CACNA1B: variants seen among roughly 807,000 people sequenced by gnomAD.
The protein encoded by CACNA1B is calcium voltage-gated channel subunit alpha1 B.
CACNA1B carries 70 observed loss-of-function variants against 247.2 expected under a neutral mutation model. That is an observed-to-expected ratio of 0.28 (90% confidence interval 0.23 to 0.35). CACNA1B has a LOEUF of 0.35. Among genes scored for constraint, CACNA1B ranks in the 10% least tolerant of loss-of-function variants. The pLI is 1.00. For synonymous variants in CACNA1B, 1,231 were observed against 1,294.4 expected (o/e 0.95, Z 1.05); for missense variants, 2,367 against 3,197.4 (o/e 0.74, Z 6.26).
chr9:138,058,690 T>C lies in CACNA1B; in HGVS notation c.4430T>C (p.Ile1477Thr), dbSNP rs779012052. 6.2e-7 allele frequency: 1 copy of C among 1,612,022 alleles called. No homozygotes were observed. The highest frequency in any genetic ancestry group is 8.5e-7 in the Non-Finnish European group (1 of 1,179,132). ...FVVSPPFEYFIMAMIALNTVV... is the reference protein window; with the variant it reads ...FVVSPPFEYFTMAMIALNTVV... The stretch of plus-strand genomic sequence containing the variant: ...GTCTCCCCGCCCTTTGAATACTTCA[T>C]CATGGCCATGATAGCCCTCAACACT... The change falls in exon 29 of 47, where the codon ATC becomes ACC. Residue 1477 changes from isoleucine (I) to threonine (T), a missense_variant. Ile to Thr is a moderately conservative substitution (Grantham distance 89, BLOSUM62 -1). Coordinates refer to ENST00000371372, the MANE Select transcript of CACNA1B (RefSeq NM_000718.4). This position sits in a 1 kb window ranked among gnomAD's most constrained non-coding sequence, Gnocchi z 4.7.
intron 36 of CACNA1B, among the ~76,000 whole-genome samples, chr9:138,089,561 A>C (rs1350599339): frequency 2.0e-5 from 3 of 152,172 alleles, no homozygotes; most frequent in African/African-American, 7.2e-5. Context: ...CCAACATCAT[A>C]CTGAATGGGG....
intron 20 of CACNA1B, among the ~76,000 whole-genome samples, chr9:138,042,443 C>T (rs897044537): frequency 1.5e-4 from 23 of 152,092 alleles, no homozygotes; most frequent in Admixed American, 7.2e-4. Flanking sequence ...ACTGTGTCTC[C>T]TGTCTCAAAT....
chr9:138,081,170 A>G (rs1469173461), intron 36 of CACNA1B, among the ~76,000 whole-genome samples: 1 of 152,210 alleles, frequency 6.6e-6, no homozygotes, highest in Non-Finnish European at 1.5e-5. Context: ...GGCCGCAGAG[A>G]TGGGGTTCCA....
rs1357454088 is a variant in CACNA1B, at chr9:138,013,213, G to A, written c.2245G>A (p.Ala749Thr). ...KEVAEVSPMS[A>T]ANISIAARQQ... ...AGTGGCTGAAGTCAGCCCCATGTCT[G>A]CCGCGAACATCTCCATCGCCGCGTA... The change falls in exon 18 of 47, where the codon GCC becomes ACC. Residue 749 changes from alanine (A) to threonine (T), a missense_variant. Around this residue, in one of 12 missense-constraint regions of CACNA1B, gnomAD observed 631 missense variants for 631.1 expected, o/e 1.00. Coordinates refer to ENST00000371372, the MANE Select transcript of CACNA1B (RefSeq NM_000718.4). 2 of 1,603,120 alleles carry A rather than the reference G, an allele frequency of 1.2e-6. No homozygotes were observed. Among genetic ancestry groups the A allele is most frequent in the Non-Finnish European group, 1.7e-6 (2 of 1,175,146 alleles).
chr9:138,117,288 G>T (rs200158019), intron 42 of CACNA1B, among the ~76,000 whole-genome samples: 5 of 151,408 alleles, frequency 3.3e-5, no homozygotes, highest in Non-Finnish European at 5.9e-5. Flanking sequence ...GTGGCTTGGG[G>T]GGGGGGTCAG....
rs773087614 is a variant in CACNA1B, at chr9:138,121,485, A to T, written c.6506A>T (p.Asn2169Ile). 2 of 1,522,208 alleles carry T rather than the reference A, an allele frequency of 1.3e-6. No homozygotes were observed. The highest frequency in any genetic ancestry group is 4.6e-5 in the East Asian group (2 of 43,830). The allele number at this position is 1,522,208 out of a possible 1,614,324, so 94.3% of individuals were successfully genotyped here. A position where few individuals can be genotyped will look rare whatever the true frequency, so the allele number is the denominator to read the frequency against. Residue 2169 changes from asparagine to isoleucine, a missense_variant, in exon 47 of 47, where the codon AAT becomes ATT. Transcript: ENST00000371372. This position sits in a 1 kb window ranked among gnomAD's most constrained non-coding sequence, Gnocchi z 6.8. The stretch of plus-strand genomic sequence containing the variant: ...TTCATGTAGGGCAGTGGTTCCGTGA[A>T]TGGGAGCCCCTTGCTGTCAACATCT... ...GPHPQGSGSV[N>I]GSPLLSTSGA...
intron 31 of CACNA1B, among the ~76,000 whole-genome samples, chr9:138,063,694 C>T (rs1355767485): frequency 6.6e-6 from 1 of 152,182 alleles, no homozygotes; most frequent in Non-Finnish European, 1.5e-5. Flanking sequence ...ATTAAAGATA[C>T]CAAATCTCCC....
rs1957428070 is a variant in CACNA1B at position 137,917,702 on chromosome 9, G to GTCA, written c.966+272_966+274dup. Among the ~76,000 whole-genome samples the GTCA allele has an allele frequency of 6.6e-6, 1 of 152,238 alleles. No homozygotes were observed. The highest frequency in any genetic ancestry group is 6.5e-5 in the Admixed American group (1 of 15,286). Reference sequence around the variant, plus strand: ...TGAAGCAGAAGGCTGACTGGTGGAGGTCAGAGAAGAAAACTCCAGAGGAGA... The same window carrying GTCA: ...TGAAGCAGAAGGCTGACTGGTGGAGGTCATCAGAGAAGAAAACTCCAGAGGAGA... On this transcript the variant is annotated intron_variant, in intron 6 of 46. Transcript: ENST00000371372. The surrounding 1 kb of genome is among the most constrained non-coding windows in gnomAD (Gnocchi z 5.5).
At chr9:138,067,588 A>G (rs965713564) in intron 31 of CACNA1B, among the ~76,000 whole-genome samples, 1 of 152,236 alleles carries the variant, frequency 6.6e-6, no homozygotes, top group African/African-American at 2.4e-5. Flanking sequence ...AATTCTAGCT[A>G]CTTGGGAGGC....
rs145844205 is a variant in CACNA1B, at chr9:137,973,784, A to G, written c.1544-2123A>G. On this transcript the variant is annotated intron_variant, in intron 11 of 46. Transcript: ENST00000371372. The surrounding 1 kb of genome is among the most constrained non-coding windows in gnomAD (Gnocchi z 4.1). The stretch of plus-strand genomic sequence containing the variant: ...CTGGGCCTCAGAGTGGAGGCTGAGT[A>G]TGTGAGGCTGAGGGCCTCTGTTCCT... 2.0e-5 allele frequency among the ~76,000 whole-genome samples: 3 copies of G among 152,350 alleles called. No individual in the cohort carries two copies. In the East Asian group the frequency reaches 5.8e-4, roughly 29 times the overall value.
At chr9:138,017,131 A>G in intron 18 of CACNA1B, 1 of 518,912 alleles carries the variant, frequency 1.9e-6, no homozygotes, top group Non-Finnish European at 3.8e-6. Flanking sequence ...TGTTTTTTGC[A>G]TGTGCAGTTT....
chr9:137,996,268 T>C (rs1386832444), intron 15 of CACNA1B, among the ~76,000 whole-genome samples: 1 of 152,224 alleles, frequency 6.6e-6, no homozygotes, highest in Non-Finnish European at 1.5e-5. Context: ...CAGATGCCTA[T>C]TGGTCAACGA....
rs982190204 is a variant in CACNA1B at position 138,080,441 on chromosome 9, C to T, written c.5094+2183C>T. Among the ~76,000 whole-genome samples the T allele has an allele frequency of 3.3e-5, 5 of 152,166 alleles. No homozygotes were observed. The East Asian group carries it at 9.6e-4, about 29-fold the overall frequency. On this transcript the variant is annotated intron_variant, in intron 36 of 46. Coordinates refer to ENST00000371372, the MANE Select transcript of CACNA1B (RefSeq NM_000718.4). ...TCGGTAAACATCATTGCCGTCATTA[C>T]ATTATCATTGCAAGATCATTACATT...
At position 138,102,092 on chromosome 9, in the gene CACNA1B, C is replaced by T. The variant is rs1055712021; in HGVS notation, c.5223-619C>T. Among the ~76,000 whole-genome samples the T allele has an allele frequency of 6.6e-6, 1 of 152,190 alleles. No homozygotes were observed. Among genetic ancestry groups the T allele is most frequent in the Non-Finnish European group, 1.5e-5 (1 of 68,022 alleles). On this transcript the variant is annotated intron_variant, in intron 37 of 46. Coordinates refer to ENST00000371372, the MANE Select transcript of CACNA1B (RefSeq NM_000718.4). This position sits in a 1 kb window ranked among gnomAD's most constrained non-coding sequence, Gnocchi z 5.4. Reference sequence around the variant, plus strand: ...AGCCCTGCCCTGGGCTGGCCTCGGGCGTCTCTGGGCTTGAAGCAGGACTTG... The same window carrying T: ...AGCCCTGCCCTGGGCTGGCCTCGGGTGTCTCTGGGCTTGAAGCAGGACTTG...
At chr9:138,074,169 C>A in intron 34 of CACNA1B, 103 bp downstream of exon 34, 1 of 839,390 alleles carries the variant, frequency 1.2e-6, no homozygotes, top group Non-Finnish European at 2.1e-6. Flanking sequence ...ATCAGTTGAT[C>A]CTTAGTGAAC....
At chr9:138,104,486 G>A (rs1304255857) in intron 38 of CACNA1B, among the ~76,000 whole-genome samples, 2 of 152,240 alleles carry the variant, frequency 1.3e-5, no homozygotes, top group Non-Finnish European at 2.9e-5. Flanking sequence ...TACTCCTGTT[G>A]TGCTGCACAC....
chr9:138,090,214 C>A (rs965745143), intron 36 of CACNA1B, among the ~76,000 whole-genome samples: 1 of 152,028 alleles, frequency 6.6e-6, no homozygotes, highest in Non-Finnish European at 1.5e-5. Flanking sequence ...GAAACATAGA[C>A]CAATGGAATA....
At position 137,950,099 on chromosome 9, in the gene CACNA1B, T is replaced by G. The variant is rs553754408; in HGVS notation, c.967-2175T>G. Among the ~76,000 whole-genome samples the G allele has an allele frequency of 2.0e-5, 3 of 152,294 alleles. No individual in the cohort carries two copies. The highest frequency in any genetic ancestry group is 7.2e-5 in the African/African-American group (3 of 41,562). On this transcript the variant is annotated intron_variant, in intron 6 of 46. Transcript: ENST00000371372. The surrounding 1 kb of genome is among the most constrained non-coding windows in gnomAD (Gnocchi z 4.8). ...GGGCTGCTGTCTTGTTGCCGGTGAG[T>G]GCAGAAGTCTAGGTTCCCCACTTGG...
At chr9:138,039,612 TTTAA>T (rs898686717) in intron 20 of CACNA1B, among the ~76,000 whole-genome samples, 2 of 152,154 alleles carry the variant, frequency 1.3e-5, no homozygotes, top group African/African-American at 4.8e-5. Context: ...AAATTTTAAT[TTTAA>T]TTAATCTGTT....
Sources: gnomAD v4.1 joint callset for allele counts (sites outside exome capture counted in the v4.1 genomes callset) on GRCh38, gnomAD v4.1.1 for gene constraint, gnomAD v4.1.1 regional missense constraint, Gnocchi (gnomAD v3.1) non-coding constraint, MANE v1.5 for transcripts, NCBI Gene and HGNC (gene_info 2026-07-23, HGNC 2026-07-21) for gene names.